The following TENM4 variants were observed in gnomAD, a reference collection of about 807,000 sequenced individuals.
TENM4 encodes teneurin transmembrane protein 4, also known as teneurin-4.
TENM4 carries 82 observed loss-of-function variants against 243.3 expected under a neutral mutation model. That is an observed-to-expected ratio of 0.34 (90% CI 0.28 to 0.40). The LOEUF (loss-of-function observed/expected upper bound fraction) is 0.40. TENM4 is among the 10% of genes least tolerant of loss of function. The pLI, the probability that TENM4 is intolerant of heterozygous loss-of-function variation, is 1.00. For missense variants in TENM4, 3,138 were observed against 3,673.3 expected, an observed-to-expected ratio of 0.85 and a Z score of 3.77; for synonymous variants, 1,412 against 1,456.3, an observed-to-expected ratio of 0.97 and a Z score of 0.69.
Position 79,326,665 on chromosome 11 carries a change from C to T in TENM4, c.-320-29122G>A, listed in dbSNP as rs568763863. On this transcript the variant is annotated intron_variant, in intron 1 of 33. Transcript: ENST00000278550. ...GTTGGGATTAATAAGCAACCTCTCT[C>T]CCCTGAGAATCGCCATATTCTGACA... Among the ~76,000 whole-genome samples, 23 of 152,350 alleles carry T rather than the reference C, an allele frequency of 1.5e-4. No homozygotes were observed. The East Asian group carries it at 4.3e-3, about 28-fold the overall frequency.
At chr11:78,947,948 T>C (rs1408087711) in intron 6 of TENM4, among the ~76,000 whole-genome samples, 2 of 152,146 alleles carry the variant, frequency 1.3e-5, no homozygotes, top group Non-Finnish European at 2.9e-5. Flanking sequence ...GTGTAAAGCA[T>C]TGCTTGGTTG....
intron 2 of TENM4, among the ~76,000 whole-genome samples, chr11:79,232,238 T>C (rs997695948): frequency 2.6e-5 from 4 of 152,194 alleles, no homozygotes; most frequent in African/African-American, 9.6e-5. Flanking sequence ...GTGGAGTCAG[T>C]AATGTGTAAG....
chr11:79,068,210 T>C (rs1208875408), intron 5 of TENM4: 1 of 152,260 alleles, frequency 6.6e-6, no homozygotes, highest in Non-Finnish European at 1.5e-5. Flanking sequence ...CTGAAGCATC[T>C]GTTCTGTGCC....
At chr11:79,134,134 A>T (rs1862064071) in intron 4 of TENM4, among the ~76,000 whole-genome samples, 1 of 152,156 alleles carries the variant, frequency 6.6e-6, no homozygotes, top group East Asian at 1.9e-4. Flanking sequence ...GAACTGATAA[A>T]AGAATTCAGC....
chr11:78,670,374 C>A lies in TENM4; in HGVS notation c.5971G>T (p.Asp1991Tyr), dbSNP rs1419547508. ...PPEGNASVIQ[D>Y]FTEDGHLLHT... ...AGGAGGTGCCCATCCTCAGTGAAGTCCTGTATGACTGAGGCATTGCCCTCA... is the reference window on the plus strand; with the variant it reads ...AGGAGGTGCCCATCCTCAGTGAAGTACTGTATGACTGAGGCATTGCCCTCA... The change falls in exon 32 of 34, where the codon GAC becomes TAC. Residue 1991 changes from aspartate (D) to tyrosine (Y), a missense_variant. Transcript: ENST00000278550. 1 of 1,613,820 alleles carries A rather than the reference C, an allele frequency of 6.2e-7. No homozygotes were observed. The highest frequency in any genetic ancestry group is 1.3e-5 in the African/African-American group (1 of 74,932).
intron 2 of TENM4, among the ~76,000 whole-genome samples, chr11:79,285,122 C>T (rs1276179448): frequency 2.0e-5 from 3 of 152,056 alleles, no homozygotes; most frequent in African/African-American, 7.2e-5. Context: ...TCTGTAGTCC[C>T]AGCTACTTGG....
chr11:78,944,797 T>C (rs61882019), intron 6 of TENM4, among the ~76,000 whole-genome samples: 2,839 of 152,302 alleles, frequency 0.019, 39 homozygotes, highest in Admixed American at 0.033. Flanking sequence ...CTTTGCTGGG[T>C]CAGTATTATT....
chr11:78,913,255 T>C (rs1215979409), intron 6 of TENM4, among the ~76,000 whole-genome samples: 1 of 152,186 alleles, frequency 6.6e-6, no homozygotes, highest in Non-Finnish European at 1.5e-5. Flanking sequence ...TTTACAAACA[T>C]CACTTTTTAT....
intron 3 of TENM4, among the ~76,000 whole-genome samples, chr11:79,215,188 T>C (rs2135224964): frequency 6.6e-6 from 1 of 152,330 alleles, no homozygotes; most frequent in African/African-American, 2.4e-5. Flanking sequence ...CTCCTCTAGC[T>C]TGAAACATCT....
intron 9 of TENM4, among the ~76,000 whole-genome samples, chr11:78,865,945 A>G (rs187518427): frequency 1.3e-5 from 2 of 152,346 alleles, no homozygotes; most frequent in East Asian, 3.9e-4. Flanking sequence ...CAAACTGTAC[A>G]CATGTGTGAT....
intron 4 of TENM4, among the ~76,000 whole-genome samples, chr11:79,079,842 A>AAAG (rs1860622727): frequency 1.3e-5 from 2 of 151,578 alleles, no homozygotes; most frequent in East Asian, 3.9e-4. Flanking sequence ...AAAAAAAAAA[A>AAAG]AAAAAAAGAA....
At chr11:78,951,958 G>T (rs1469375100) in intron 6 of TENM4, among the ~76,000 whole-genome samples, 2 of 152,142 alleles carry the variant, frequency 1.3e-5, no homozygotes, top group Non-Finnish European at 2.9e-5. Flanking sequence ...TCTCTAGGAA[G>T]TTCCCCCAAC....
intron 1 of TENM4, among the ~76,000 whole-genome samples, chr11:79,299,292 A>G (rs1455555235): frequency 6.6e-6 from 1 of 152,128 alleles, no homozygotes; most frequent in African/African-American, 2.4e-5. Context: ...CCTAACACTT[A>G]GTCTATGTCA....
intron 3 of TENM4, among the ~76,000 whole-genome samples, chr11:79,183,277 G>A (rs1364053594): frequency 2.6e-5 from 4 of 152,106 alleles, no homozygotes; most frequent in African/African-American, 4.8e-5. Flanking sequence ...AAACTTAAAT[G>A]CTCATTAAGT....
chr11:78,804,249 T>C (rs1857343263), intron 15 of TENM4, among the ~76,000 whole-genome samples: 1 of 152,256 alleles, frequency 6.6e-6, no homozygotes, highest in African/African-American at 2.4e-5. Context: ...TTAGCTTCTT[T>C]ATCAGTTCAC....
intron 1 of TENM4, among the ~76,000 whole-genome samples, chr11:79,378,823 T>C (rs1225150382): frequency 6.8e-6 from 1 of 146,692 alleles, no homozygotes; most frequent in Non-Finnish European, 1.5e-5. Flanking sequence ...GTTGAGGCTG[T>C]AGTGAGCTAT....
In TENM4 at chr11:79,340,979, G is replaced by T. The variant is rs112539666; in HGVS notation, c.-320-43436C>A. On this transcript the variant is annotated intron_variant, in intron 1 of 33. Transcript: ENST00000278550. ...CAGGTGGGCCCAGTGTAATTACAAG[G>T]GTTCTTATAAGAGGACAGTGAGAGA... 4.8e-3 allele frequency among the ~76,000 whole-genome samples: 730 copies of T among 152,250 alleles called. 10 individuals carry two copies. Among genetic ancestry groups the T allele is most frequent in the African/African-American group, 0.017 (695 of 41,526 alleles).
intron 32 of TENM4, among the ~76,000 whole-genome samples, chr11:78,665,362 C>T (rs1420684916): frequency 6.6e-6 from 1 of 152,036 alleles, no homozygotes; most frequent in South Asian, 2.1e-4. Flanking sequence ...ACCTCCGCAT[C>T]CCAGGTTGAA....
chr11:79,061,087 A>G (rs561743455), intron 6 of TENM4, among the ~76,000 whole-genome samples: 2 of 152,316 alleles, frequency 1.3e-5, no homozygotes, highest in African/African-American at 4.8e-5. Flanking sequence ...CTCCAGCTCA[A>G]CTAGATATGT....
Sources: gnomAD v4.1 joint callset for allele counts (sites outside exome capture counted in the v4.1 genomes callset) on GRCh38, gnomAD v4.1.1 for gene constraint, MANE v1.5 for transcripts, NCBI Gene and HGNC (gene_info 2026-07-23, HGNC 2026-07-21) for gene names.